The following PIAS1 variants were observed in gnomAD, a reference collection of about 807,000 sequenced individuals.
PIAS1 encodes protein inhibitor of activated STAT 1.
A neutral mutation model predicts 71.3 loss-of-function variants in PIAS1; 6 were observed. The ratio of observed to expected loss-of-function variants is 0.08; its 90% CI spans 0.05 to 0.17. The LOEUF is 0.17. Among genes scored for constraint, PIAS1 ranks in the 10% least tolerant of loss-of-function variants. PIAS1 has a pLI of 1.00. For missense variants in PIAS1, 555 were observed against 793.6 expected, an observed-to-expected ratio of 0.70 and a Z score of 3.61; for synonymous variants, 303 against 292.9, an observed-to-expected ratio of 1.03 and a Z score of -0.35.
intron 1 of PIAS1, among the ~76,000 whole-genome samples, chr15:68,056,819 C>T (rs1209755279): frequency 6.6e-6 from 1 of 151,962 alleles, no homozygotes; most frequent in Non-Finnish European, 1.5e-5. Flanking sequence ...TTGGCAGATA[C>T]TCCTTTTGGA....
rs1344520632 is a variant in PIAS1 at position 68,176,492 on chromosome 15, T to C, written c.1319T>C (p.Leu440Ser). ...CATATAGGATGCTTGAGCTCCACAT[T>C]GGAGCATCAGGTAGCGTCTCACCAC... ...NGVDGCLSST[L>S]EHQVASHHQS... The change falls in exon 11 of 14, where the codon TTG (leucine) becomes TCG (serine). Residue 440 changes from leucine (L) to serine (S), a missense_variant. Physicochemically the swap from Leu to Ser is moderately radical, Grantham distance 145. Coordinates refer to ENST00000249636, the MANE Select transcript of PIAS1 (RefSeq NM_016166.3). 1 of 1,603,724 alleles carries C rather than the reference T, an allele frequency of 6.2e-7. No homozygotes were observed. The highest frequency in any genetic ancestry group is 8.5e-7 in the Non-Finnish European group (1 of 1,176,350).
intron 1 of PIAS1, among the ~76,000 whole-genome samples, chr15:68,066,776 C>T (rs2140960111): frequency 6.6e-6 from 1 of 151,724 alleles, no homozygotes; most frequent in Admixed American, 6.6e-5. Context: ...CAGGTAGCAT[C>T]TTAAAGGTTA....
In PIAS1 at chr15:68,054,604, C is replaced by T. The variant is rs377376649; in HGVS notation, c.24+254C>T. Reference sequence around the variant, plus strand: ...TTGTGGGCGCCTCTGGCGGGGGTGGCGGGGGAAGAGATAGGGAGTCCGGAG... The same window carrying T: ...TTGTGGGCGCCTCTGGCGGGGGTGGTGGGGGAAGAGATAGGGAGTCCGGAG... On this transcript the variant is annotated intron_variant, in intron 1 of 13. Coordinates refer to ENST00000249636, the MANE Select transcript of PIAS1 (RefSeq NM_016166.3). The surrounding 1 kb of genome is among the most constrained non-coding windows in gnomAD (Gnocchi z 4.6). The T allele has an allele frequency of 9.0e-5, 31 of 346,002 alleles. No homozygotes were observed. Among genetic ancestry groups the T allele is most frequent in the East Asian group, 2.9e-4 (6 of 20,346 alleles). 21.4% of individuals were successfully genotyped at this position (346,002 alleles called of 1,614,324 possible). A position where few individuals can be genotyped will look rare whatever the true frequency, so the allele number is the denominator to read the frequency against.
chr15:68,160,799 C>T (rs140427071), intron 7 of PIAS1, among the ~76,000 whole-genome samples: 1 of 152,246 alleles, frequency 6.6e-6, no homozygotes, highest in Non-Finnish European at 1.5e-5. Context: ...AAGGGAGCTG[C>T]CTCAGTGTAA....
At chr15:68,158,183 T>A (rs904143100) in intron 7 of PIAS1, among the ~76,000 whole-genome samples, 2 of 152,208 alleles carry the variant, frequency 1.3e-5, no homozygotes, top group African/African-American at 4.8e-5. Flanking sequence ...TGGCACCTGC[T>A]TATTACTTTC....
At chr15:68,057,683 G>A (rs1483067478) in intron 1 of PIAS1, 1 of 252,920 alleles carries the variant, frequency 4.0e-6, no homozygotes, top group Non-Finnish European at 7.8e-6. Context: ...TTCAGATAGA[G>A]TCAAGTACAT....
intron 1 of PIAS1, among the ~76,000 whole-genome samples, chr15:68,080,003 T>C (rs192516545): frequency 6.6e-5 from 10 of 152,178 alleles, no homozygotes; most frequent in South Asian, 2.1e-4. Context: ...CGGCTAATTT[T>C]GTATTTTTGG....
In PIAS1 at chr15:68,173,661, A is replaced by T; in HGVS notation, c.1009-71A>T. 2 of 1,139,446 alleles carry T rather than the reference A, an allele frequency of 1.8e-6. No individual in the cohort carries two copies. Among genetic ancestry groups the T allele is most frequent in the Non-Finnish European group, 2.4e-6 (2 of 832,228 alleles). 70.6% of individuals were successfully genotyped at this position (1,139,446 alleles called of 1,614,324 possible). A position where few individuals can be genotyped will look rare whatever the true frequency, so the allele number is the denominator to read the frequency against. On this transcript the variant is annotated intron_variant, in intron 8 of 13. Coordinates refer to ENST00000249636, the MANE Select transcript of PIAS1 (RefSeq NM_016166.3). The surrounding 1 kb of genome is among the most constrained non-coding windows in gnomAD (Gnocchi z 4.3). Reference sequence around the variant, plus strand: ...TCAGCATGCCTACCTGTTGTGTTCTAGGAAATTTTTGTCAAAGCTTAAATG... The same window carrying T: ...TCAGCATGCCTACCTGTTGTGTTCTTGGAAATTTTTGTCAAAGCTTAAATG...
rs1206313196 is a variant in PIAS1, at chr15:68,174,836, C to CA, written c.1170-798dup. Among the ~76,000 whole-genome samples the CA allele has an allele frequency of 2.0e-5, 3 of 152,104 alleles. No homozygotes were observed. Among genetic ancestry groups the CA allele is most frequent in the Non-Finnish European group, 4.4e-5 (3 of 68,004 alleles). ...AAGATGTCAGACCAGTCATGGGAAA[C>CA]AAACAAACAAACAACATGTAACTTA... On this transcript the variant is annotated intron_variant, in intron 9 of 13. Transcript: ENST00000249636. This position sits in a 1 kb window ranked among gnomAD's most constrained non-coding sequence, Gnocchi z 4.0.
In PIAS1 at chr15:68,190,135, T is replaced by A. The variant is rs961698729; in HGVS notation, c.*2300T>A. On this transcript the variant is annotated 3_prime_UTR_variant, in exon 14 of 14. Transcript: ENST00000249636. This position sits in a 1 kb window ranked among gnomAD's most constrained non-coding sequence, Gnocchi z 4.7. ...AACGTATCCCTCTACTTTCTTCAGT[T>A]GTAGAAAAGGTTAATTTCCCTCAGT... The A allele has an allele frequency of 2.0e-5, 3 of 152,210 alleles. No homozygotes were observed. Among genetic ancestry groups the A allele is most frequent in the African/African-American group, 4.8e-5 (2 of 41,456 alleles). The allele number at this position is 152,210 out of a possible 1,614,324, so 9.4% of individuals were successfully genotyped here.
At position 68,176,569 on chromosome 15, in the gene PIAS1, A is replaced by G; in HGVS notation, c.1396A>G (p.Ser466Gly). Residue 466 changes from serine to glycine, a missense_variant, in exon 11 of 14, where the codon AGT becomes GGT. By Grantham distance (56) the Ser-to-Gly change is moderately conservative (BLOSUM62 0). This residue lies in a region of PIAS1 where 244 missense variants were observed against 307.5 expected (regional missense o/e 0.79). Coordinates refer to ENST00000249636, the MANE Select transcript of PIAS1 (RefSeq NM_016166.3). ...AGAAGTGATTGACCTAACCATAGAC[A>G]GTTCATCTGATGAAGAGGAAGAAGA... ...KVEVIDLTID[S>G]SSDEEEEEPS... The G allele has an allele frequency of 6.2e-7, 1 of 1,613,146 alleles. No individual in the cohort carries two copies. The highest frequency in any genetic ancestry group is 8.5e-7 in the Non-Finnish European group (1 of 1,179,396).
chr15:68,092,385 T>C (rs960524198), intron 2 of PIAS1, among the ~76,000 whole-genome samples: 1 of 152,158 alleles, frequency 6.6e-6, no homozygotes, highest in South Asian at 2.1e-4. Flanking sequence ...TTGGCCAGGC[T>C]TGTCTTGAAC....
At chr15:68,095,623 C>T (rs563397375) in intron 2 of PIAS1, among the ~76,000 whole-genome samples, 4 of 151,300 alleles carry the variant, frequency 2.6e-5, no homozygotes, top group Admixed American at 6.6e-5. Context: ...TTCTGCCTCC[C>T]GGGTTCAAGC....
chr15:68,144,574 C>T (rs947664772), intron 4 of PIAS1, among the ~76,000 whole-genome samples: 4 of 152,000 alleles, frequency 2.6e-5, no homozygotes, highest in African/African-American at 9.7e-5. Context: ...TTAAATTGAT[C>T]ACTGCATTGG....
At chr15:68,058,399 C>T (rs778006810) in intron 1 of PIAS1, among the ~76,000 whole-genome samples, 1 of 152,102 alleles carries the variant, frequency 6.6e-6, no homozygotes, top group Non-Finnish European at 1.5e-5. Flanking sequence ...CAAGTAATAA[C>T]TAAATCCTTT....
intron 8 of PIAS1, among the ~76,000 whole-genome samples, chr15:68,169,861 A>G (rs1273366562): frequency 6.6e-6 from 1 of 152,188 alleles, no homozygotes; most frequent in African/African-American, 2.4e-5. Flanking sequence ...TATTGTGTAG[A>G]TCCCATTTTT....
intron 11 of PIAS1, among the ~76,000 whole-genome samples, chr15:68,179,089 A>T (rs888406166): frequency 6.6e-6 from 1 of 152,238 alleles, no homozygotes; most frequent in East Asian, 1.9e-4. Context: ...CAACACTAGT[A>T]GCCATTTTAT....
chr15:68,146,125 G>A (rs1432285111), intron 5 of PIAS1, among the ~76,000 whole-genome samples: 3 of 152,180 alleles, frequency 2.0e-5, no homozygotes, highest in Non-Finnish European at 2.9e-5. Flanking sequence ...GGTAGCTTTA[G>A]TGTTGTACTG....
chr15:68,060,775 C>T (rs541882064), intron 1 of PIAS1, among the ~76,000 whole-genome samples: 20 of 148,636 alleles, frequency 1.3e-4, no homozygotes, highest in East Asian at 8.1e-4. Context: ...TCTCTGCCTC[C>T]GGGGTTCAGG....
Sources: gnomAD v4.1 joint callset for allele counts (sites outside exome capture counted in the v4.1 genomes callset) on GRCh38, gnomAD v4.1.1 for gene constraint, gnomAD v4.1.1 regional missense constraint, Gnocchi (gnomAD v3.1) non-coding constraint, MANE v1.5 for transcripts, NCBI Gene and HGNC (gene_info 2026-07-23, HGNC 2026-07-21) for gene names.